SUGCT: variants seen among roughly 807,000 people sequenced by gnomAD.
The protein encoded by SUGCT is succinyl-CoA:glutarate-CoA transferase.
SUGCT carries 41 observed loss-of-function variants against 55.0 expected under a neutral mutation model. The observed-to-expected ratio is 0.74, with a 90% CI of 0.58 to 0.97. SUGCT has a LOEUF of 0.97. SUGCT is among the 50% of genes least tolerant of loss of function. The pLI is 0.00. For synonymous variants in SUGCT, 187 were observed against 200.4 expected (o/e 0.93, Z 0.56); for missense variants, 568 against 547.8 (o/e 1.04, Z -0.37).
At chr7:40,537,261 G>T (rs1178355658) in intron 12 of SUGCT, among the ~76,000 whole-genome samples, 1 of 152,204 alleles carries the variant, frequency 6.6e-6, no homozygotes, top group Non-Finnish European at 1.5e-5. Flanking sequence ...TGGCAGAACT[G>T]TGAGTTCCAG....
chr7:40,699,171 A>C (rs1373202479), intron 12 of SUGCT, among the ~76,000 whole-genome samples: 1 of 152,226 alleles, frequency 6.6e-6, no homozygotes, highest in East Asian at 1.9e-4. Context: ...CACATACTGC[A>C]TTCAAGATAT....
At chr7:40,279,739 C>A (rs1318935602) in intron 8 of SUGCT, among the ~76,000 whole-genome samples, 1 of 152,124 alleles carries the variant, frequency 6.6e-6, no homozygotes, top group South Asian at 2.1e-4. Flanking sequence ...CTTATAAATT[C>A]TAGATCTAAA....
intron 9 of SUGCT, among the ~76,000 whole-genome samples, chr7:40,407,209 A>G (rs1786418636): frequency 6.6e-6 from 1 of 152,122 alleles, no homozygotes; most frequent in East Asian, 1.9e-4. Context: ...TTTGCCGTTC[A>G]CGTATCTTTG....
intron 7 of SUGCT, among the ~76,000 whole-genome samples, chr7:40,265,600 A>AAT (rs1791516032): frequency 6.6e-6 from 1 of 152,154 alleles, no homozygotes; most frequent in Non-Finnish European, 1.5e-5. Flanking sequence ...GTATGTAAGT[A>AAT]ATCTTTTAAA....
At chr7:40,164,124 A>AAT (rs768531093) in intron 1 of SUGCT, among the ~76,000 whole-genome samples, 114 of 58,694 alleles carry the variant, frequency 1.9e-3, no homozygotes, top group Non-Finnish European at 3.0e-3. Flanking sequence ...CTGACCCTTG[A>AAT]CTTTTTTTTT....
At chr7:40,859,125 C>G (rs555801983) in intron 13 of SUGCT, among the ~76,000 whole-genome samples, 1 of 152,316 alleles carries the variant, frequency 6.6e-6, no homozygotes, top group South Asian at 2.1e-4. Flanking sequence ...ATCAAGTCTT[C>G]TTGTGACTAC....
At chr7:40,186,339 G>T (rs1057201991) in intron 3 of SUGCT, among the ~76,000 whole-genome samples, 3 of 151,180 alleles carry the variant, frequency 2.0e-5, no homozygotes, top group Non-Finnish European at 4.4e-5. Flanking sequence ...GCTCAGTGCA[G>T]CATTGACCTC....
chr7:40,591,856 CTT>C (rs992074738), intron 12 of SUGCT, among the ~76,000 whole-genome samples: 1 of 152,122 alleles, frequency 6.6e-6, no homozygotes, highest in African/African-American at 2.4e-5. Context: ...CTATTGCACA[CTT>C]AATAATGTTC....
At chr7:40,448,957 T>G (rs1009976414) in intron 9 of SUGCT, among the ~76,000 whole-genome samples, 20 of 148,026 alleles carry the variant, frequency 1.4e-4, no homozygotes, top group African/African-American at 5.0e-4. Context: ...TGTGTATATA[T>G]ATATAGAGAG....
At chr7:40,986,883 A>G in the SUGCT span, among the ~76,000 whole-genome samples, 1 of 152,188 alleles carries the variant, frequency 6.6e-6, no homozygotes, top group Non-Finnish European at 1.5e-5. Flanking sequence ...GCCAAAAGAA[A>G]TAAAAAAACC....
At chr7:40,419,412 GA>G (rs1787185335) in intron 9 of SUGCT, among the ~76,000 whole-genome samples, 1 of 152,110 alleles carries the variant, frequency 6.6e-6, no homozygotes, top group African/African-American at 2.4e-5. Context: ...ACTGAAAAGG[GA>G]AAAAATAATT....
chr7:40,587,700 G>T (rs544527813), intron 12 of SUGCT, among the ~76,000 whole-genome samples: 1 of 152,038 alleles, frequency 6.6e-6, no homozygotes, highest in East Asian at 1.9e-4. Flanking sequence ...TCCTTTTATT[G>T]TGTTTAAATG....
intron 7 of SUGCT, among the ~76,000 whole-genome samples, chr7:40,249,313 C>CTATCTATATCTATATATCTA (rs1324264789): frequency 7.4e-4 from 59 of 79,504 alleles, no homozygotes; most frequent in Admixed American, 1.1e-3. Flanking sequence ...CACCAAAAAG[C>CTATCTATATCTATATATCTA]TATATATATA....
chr7:40,607,704 T>C (rs1281393197), intron 12 of SUGCT, among the ~76,000 whole-genome samples: 1 of 152,216 alleles, frequency 6.6e-6, no homozygotes, highest in African/African-American at 2.4e-5. Context: ...CTAAGACTTG[T>C]TGAGTGCATA....
intron 12 of SUGCT, among the ~76,000 whole-genome samples, chr7:40,544,685 C>T (rs1181016740): frequency 6.6e-6 from 1 of 152,158 alleles, no homozygotes; most frequent in Non-Finnish European, 1.5e-5. Flanking sequence ...CAGTGATTAC[C>T]TAAGCTTTGG....
chr7:40,451,064 T>A (rs1284719040), intron 10 of SUGCT, among the ~76,000 whole-genome samples: 3 of 151,920 alleles, frequency 2.0e-5, no homozygotes, highest in African/African-American at 7.3e-5. Flanking sequence ...GATCAAAGAA[T>A]CTTTATTATG....
At chr7:40,901,002 G>A in the SUGCT span, among the ~76,000 whole-genome samples, 1 of 152,212 alleles carries the variant, frequency 6.6e-6, no homozygotes, top group Non-Finnish European at 1.5e-5. Flanking sequence ...GGATGGATGT[G>A]TATGTGTGTG....
chr7:40,948,755 T>G, the SUGCT span, among the ~76,000 whole-genome samples: 27 of 152,196 alleles, frequency 1.8e-4, no homozygotes, highest in Non-Finnish European at 3.4e-4. Context: ...ATTTCCAGCT[T>G]CATTCTTGTC....
At chr7:40,921,773 G>T in the SUGCT span, among the ~76,000 whole-genome samples, 2 of 152,166 alleles carry the variant, frequency 1.3e-5, no homozygotes, top group African/African-American at 4.8e-5. Context: ...AAGTGAGGTT[G>T]CCCACTGCAC....
Sources: gnomAD v4.1 joint callset for allele counts (sites outside exome capture counted in the v4.1 genomes callset) on GRCh38, gnomAD v4.1.1 for gene constraint, MANE v1.5 for transcripts, NCBI Gene and HGNC (gene_info 2026-07-23, HGNC 2026-07-21) for gene names.